The following SLC2A2 variants were observed in gnomAD, a reference collection of about 807,000 sequenced individuals.
SLC2A2 encodes solute carrier family 2, facilitated glucose transporter member 2.
A neutral mutation model predicts 54.5 loss-of-function variants in SLC2A2; 36 were observed. The ratio of observed to expected loss-of-function variants is 0.66; its 90% CI spans 0.51 to 0.87. The LOEUF is 0.87. SLC2A2 is among the 40% of genes least tolerant of loss of function. The probability of loss-of-function intolerance (pLI) is 0.00; values close to 1 mark genes in which losing one functional copy is unlikely to be tolerated. For missense variants in SLC2A2, 543 were observed against 624.3 expected (o/e 0.87, Z 1.39); for synonymous variants, 223 against 219.1 (o/e 1.02, Z -0.16).
At chr3:171,007,333 G>T in intron 4 of SLC2A2, 70 bp from the exon 5 acceptor site, 1 of 906,444 alleles carries the variant, frequency 1.1e-6, no homozygotes, top group Non-Finnish European at 1.8e-6. Flanking sequence ...TTTGGTTTAA[G>T]TACAGTATAT....
chr3:171,025,581 A>G (rs1456407660), intron 1 of SLC2A2, among the ~76,000 whole-genome samples: 1 of 152,186 alleles, frequency 6.6e-6, no homozygotes, highest in Non-Finnish European at 1.5e-5. Context: ...AAGCTCAGTT[A>G]AATAACTTAA....
chr3:171,002,385 C>T (rs1329546786), intron 8 of SLC2A2, among the ~76,000 whole-genome samples, 191 bp downstream of exon 8: 1 of 152,024 alleles, frequency 6.6e-6, no homozygotes, highest in African/African-American at 2.4e-5. Context: ...CGATTCACCT[C>T]AGTTATGCCT....
intron 2 of SLC2A2, 82 bp downstream of exon 2, chr3:171,018,448 CT>C: frequency 4.0e-6 from 4 of 990,878 alleles, no homozygotes; most frequent in Non-Finnish European, 6.5e-6. Flanking sequence ...CGTGGACACC[CT>C]TTATCTCTGT....
rs770197371 is a variant in SLC2A2 at position 170,998,075 on chromosome 3, A to C, written c.1403T>G (p.Leu468Arg). 4 of 1,613,674 alleles carry C rather than the reference A, an allele frequency of 2.5e-6. No individual in the cohort carries two copies. In the Admixed American group the frequency reaches 6.7e-5, roughly 27 times the overall value. ...ADFCGPYVFF[L>R]FAGVLLAFTL... ...AAAGGCCAGGAGCACTCCAGCAAAGAGGAAAAACACATAAGGTCCACAGAA... is the reference window on the plus strand; with the variant it reads ...AAAGGCCAGGAGCACTCCAGCAAAGCGGAAAAACACATAAGGTCCACAGAA... The change falls in exon 11 of 11, where the codon CTC becomes CGC. Residue 468 changes from leucine to arginine, a missense_variant. Coordinates refer to ENST00000314251, the MANE Select transcript of SLC2A2 (RefSeq NM_000340.2).
chr3:170,998,295 A>G lies in SLC2A2; in HGVS notation c.1272T>C (p.Ala424=), dbSNP rs946986873. 6.2e-7 allele frequency: 1 copy of G among 1,613,740 alleles called. No homozygotes were observed. The highest frequency in any genetic ancestry group is 1.3e-5 in the African/African-American group (1 of 74,918). ...GPGPIPWFMV[A]EFFSQGPRPA... Reference sequence around the variant, plus strand: ...GACGTGGTCCTTGACTGAAAAACTCAGCCACCATGAACCAGGGGATCGGGC... The same window carrying G: ...GACGTGGTCCTTGACTGAAAAACTCGGCCACCATGAACCAGGGGATCGGGC... Residue 424 remains alanine, a synonymous_variant, in exon 10 of 11, where the codon GCT becomes GCC. Transcript: ENST00000314251.
intron 1 of SLC2A2, among the ~76,000 whole-genome samples, chr3:171,022,998 C>G (rs1716532342): frequency 6.6e-6 from 1 of 152,166 alleles, no homozygotes; most frequent in Non-Finnish European, 1.5e-5. Flanking sequence ...CTGGAGCTGC[C>G]TCTAAGATCA....
intron 6 of SLC2A2, 144 bp from the exon 7 acceptor site, chr3:171,005,616 T>G: frequency 1.4e-6 from 1 of 699,394 alleles, no homozygotes; most frequent in South Asian, 1.8e-5. Context: ...TTTTGTTAAA[T>G]TAGATCCTGC....
intron 1 of SLC2A2, among the ~76,000 whole-genome samples, chr3:171,020,940 C>T (rs1716433528): frequency 6.6e-6 from 1 of 150,644 alleles, no homozygotes; most frequent in Non-Finnish European, 1.5e-5. Flanking sequence ...ATATTTATCA[C>T]TTATATATAT....
rs878987330 is a variant in SLC2A2, at chr3:171,009,918, T to G, written c.496+40A>C. The G allele has an allele frequency of 8.0e-6, 9 of 1,118,478 alleles. No individual in the cohort carries two copies. In the African/African-American group the frequency reaches 1.9e-4, roughly 24 times the overall value. The allele number at this position is 1,118,478 out of a possible 1,614,324, so 69.3% of individuals were successfully genotyped here. The stretch of plus-strand genomic sequence containing the variant: ...TTACTTTCAGACAAAGGTAGGTGTG[T>G]GTGTGTGTGTGTGTGTGTGTGTGTG... On this transcript the variant is annotated intron_variant, in intron 4 of 10. Transcript: ENST00000314251.
intron 5 of SLC2A2, among the ~76,000 whole-genome samples, chr3:171,006,636 G>A (rs567645481): frequency 6.6e-6 from 1 of 152,066 alleles, no homozygotes; most frequent in African/African-American, 2.4e-5. Context: ...CTACCCTCTG[G>A]ATTGTCGTAG....
chr3:171,016,745 A>G (rs1716170284), intron 2 of SLC2A2, among the ~76,000 whole-genome samples: 2 of 152,174 alleles, frequency 1.3e-5, no homozygotes, highest in South Asian at 4.1e-4. Context: ...CCTGGACGCC[A>G]GTATGGGGAT....
At position 170,997,192 on chromosome 3, in the gene SLC2A2, G is replaced by C. The variant is rs535493619; in HGVS notation, c.*711C>G. 5.9e-5 allele frequency: 9 copies of C among 152,364 alleles called. No homozygotes were observed. The highest frequency in any genetic ancestry group is 2.2e-4 in the African/African-American group (9 of 41,544). 9.4% of individuals were successfully genotyped at this position (152,364 alleles called of 1,614,324 possible). ...CTGATAACCCACGCTATATGATCAG[G>C]TGAAACCTTTTTAGTGTTAAATCTT... On this transcript the variant is annotated 3_prime_UTR_variant, in exon 11 of 11. Transcript: ENST00000314251.
At chr3:171,014,209 AAAGCTAGAGGATCAAAGC>A (rs1232875162) in intron 3 of SLC2A2, among the ~76,000 whole-genome samples, 1 of 152,198 alleles carries the variant, frequency 6.6e-6, no homozygotes, top group Non-Finnish European at 1.5e-5. Context: ...TATAACTTAC[AAAGCTAGAGGATCAAAGC>A]AATTATCTAG....
intron 2 of SLC2A2, among the ~76,000 whole-genome samples, 153 bp downstream of exon 2, chr3:171,018,378 T>A (rs1716252218): frequency 6.6e-6 from 1 of 152,208 alleles, no homozygotes; most frequent in Non-Finnish European, 1.5e-5. Flanking sequence ...AAGGCCAAGT[T>A]ATCAGCTTTG....
intron 3 of SLC2A2, among the ~76,000 whole-genome samples, chr3:171,012,169 TA>T (rs1210585826): frequency 6.6e-6 from 1 of 152,214 alleles, no homozygotes; most frequent in Non-Finnish European, 1.5e-5. Flanking sequence ...GTTTGCTTAA[TA>T]AATGTCAGGC....
At chr3:171,019,218 G>A (rs765230169) in intron 1 of SLC2A2, among the ~76,000 whole-genome samples, 28 of 149,774 alleles carry the variant, frequency 1.9e-4, no homozygotes, top group South Asian at 2.1e-4. Context: ...GAAGGGAGCC[G>A]CCAAGATAGA....
chr3:171,012,348 G>A (rs929078284), intron 3 of SLC2A2, among the ~76,000 whole-genome samples: 2 of 152,166 alleles, frequency 1.3e-5, no homozygotes, highest in Non-Finnish European at 2.9e-5. Context: ...GACTTGATCT[G>A]TGTGAAACCA....
chr3:170,998,903 C>G (rs1444468961), intron 9 of SLC2A2, among the ~76,000 whole-genome samples, 162 bp downstream of exon 9: 1 of 152,142 alleles, frequency 6.6e-6, no homozygotes, highest in East Asian at 1.9e-4. Context: ...ACTAGTTCAT[C>G]TTTTCTTTAT....
intron 3 of SLC2A2, 42 bp downstream of exon 3, chr3:171,014,427 T>C (rs1716029971): frequency 6.2e-7 from 1 of 1,600,900 alleles, no homozygotes; most frequent in African/African-American, 1.3e-5. Context: ...AAAATGAAAA[T>C]ATGAAAGTTT....
Sources: gnomAD v4.1 joint callset for allele counts (sites outside exome capture counted in the v4.1 genomes callset) on GRCh38, gnomAD v4.1.1 for gene constraint, MANE v1.5 for transcripts, NCBI Gene and HGNC (gene_info 2026-07-23, HGNC 2026-07-21) for gene names.